PPP2CA: variants seen among roughly 807,000 people sequenced by gnomAD.
The protein encoded by PPP2CA is serine/threonine-protein phosphatase 2A catalytic subunit alpha isoform.
Under a neutral mutation model 38.8 loss-of-function variants are expected in PPP2CA, and 5 were observed. The ratio of observed to expected loss-of-function variants is 0.13; its 90% CI spans 0.07 to 0.27. PPP2CA has a LOEUF of 0.27. Among genes scored for constraint, PPP2CA ranks in the 10% least tolerant of loss-of-function variants. The pLI is 1.00. For missense variants in PPP2CA, 88 were observed against 389.7 expected (o/e 0.23, Z 6.52); for synonymous variants, 152 against 134.0 (o/e 1.13, Z -0.93).
intron 6 of PPP2CA, among the ~76,000 whole-genome samples, chr5:134,198,298 CAGG>C (rs1203453302): frequency 8.6e-5 from 13 of 151,844 alleles, no homozygotes; most frequent in Non-Finnish European, 1.2e-4. Context: ...GAGGCTGAGG[CAGG>C]AGAATGGTGT....
chr5:134,221,652 G>A (rs1762445477), intron 1 of PPP2CA, among the ~76,000 whole-genome samples: 1 of 152,090 alleles, frequency 6.6e-6, no homozygotes, highest in African/African-American at 2.4e-5. Context: ...ACATGAATAG[G>A]AAGCTTTCAA....
chr5:134,204,934 G>A (rs919533670), intron 2 of PPP2CA, among the ~76,000 whole-genome samples: 2 of 112,780 alleles, frequency 1.8e-5, no homozygotes, highest in African/African-American at 7.2e-5. Context: ...CTTCTTCCTC[G>A]ATATTTTTTT....
chr5:134,225,285 T>G (rs1762544560), intron 1 of PPP2CA, among the ~76,000 whole-genome samples: 1 of 151,876 alleles, frequency 6.6e-6, no homozygotes, highest in Non-Finnish European at 1.5e-5. Context: ...GACCTTTAGG[T>G]ATGTTCTGGG....
At chr5:134,206,645 T>C (rs1356994303) in intron 1 of PPP2CA, among the ~76,000 whole-genome samples, 3 of 152,174 alleles carry the variant, frequency 2.0e-5, no homozygotes, top group Non-Finnish European at 4.4e-5. Context: ...CACGCCACCA[T>C]GGCTGGCTAA....
chr5:134,201,268 AGC>A lies in PPP2CA; in HGVS notation c.487-196_487-195del, dbSNP rs528061066. ...GTCTCTACAAAAATTTTAAAAAATG[AGC>A]TGGGCACCCCCATCACTTGGCCCCT... On this transcript the variant is annotated intron_variant, in intron 3 of 6. Coordinates refer to ENST00000481195, the MANE Select transcript of PPP2CA (RefSeq NM_002715.4). Among the ~76,000 whole-genome samples the A allele has an allele frequency of 1.5e-3, 228 of 152,326 alleles. 2 individuals are homozygous for A. The highest frequency in any genetic ancestry group is 8.9e-3 in the South Asian group (43 of 4,826).
chr5:134,200,186 T>C, intron 5 of PPP2CA, 149 bp downstream of exon 5: 1 of 749,478 alleles, frequency 1.3e-6, no homozygotes, highest in Non-Finnish European at 2.0e-6. Flanking sequence ...GTAGTGTGCA[T>C]CTACTGAAAA....
At chr5:134,218,527 T>C (rs964797330) in intron 1 of PPP2CA, among the ~76,000 whole-genome samples, 4 of 152,334 alleles carry the variant, frequency 2.6e-5, no homozygotes, top group African/African-American at 9.6e-5. Flanking sequence ...TTTAATCTAC[T>C]ACACAACTGA....
At chr5:134,219,484 C>T (rs1003639457) in intron 1 of PPP2CA, among the ~76,000 whole-genome samples, 1 of 152,116 alleles carries the variant, frequency 6.6e-6, no homozygotes, top group African/African-American at 2.4e-5. Context: ...TTGCAACCTT[C>T]CAGCCTCAAC....
At chr5:134,221,278 AT>A (rs1219186699) in intron 1 of PPP2CA, among the ~76,000 whole-genome samples, 1 of 151,988 alleles carries the variant, frequency 6.6e-6, no homozygotes, top group Admixed American at 6.6e-5. Flanking sequence ...CGCCCGGCTA[AT>A]TTTTTGTATT....
intron 5 of PPP2CA, among the ~76,000 whole-genome samples, 160 bp downstream of exon 5, chr5:134,200,175 A>G (rs567135870): frequency 6.6e-6 from 1 of 152,380 alleles, no homozygotes; most frequent in African/African-American, 2.4e-5. Context: ...TTTTAATTCT[A>G]GTAGTGTGCA....
intron 2 of PPP2CA, among the ~76,000 whole-genome samples, chr5:134,202,715 C>T (rs1761994246): frequency 6.6e-6 from 1 of 152,170 alleles, no homozygotes; most frequent in Non-Finnish European, 1.5e-5. Context: ...TTTCTGTGGA[C>T]ATATGCTTTC....
At chr5:134,204,185 G>C (rs926224478) in intron 2 of PPP2CA, among the ~76,000 whole-genome samples, 1 of 152,160 alleles carries the variant, frequency 6.6e-6, no homozygotes, top group Non-Finnish European at 1.5e-5. Flanking sequence ...CTAATATTAG[G>C]AAAGTCTGTG....
At chr5:134,211,772 A>G (rs1762207550) in intron 1 of PPP2CA, among the ~76,000 whole-genome samples, 1 of 151,084 alleles carries the variant, frequency 6.6e-6, no homozygotes, top group Admixed American at 6.6e-5. Flanking sequence ...CACTGCGCCC[A>G]GTGGAAGACA....
chr5:134,206,221 G>A (rs1762079910), intron 1 of PPP2CA, 90 bp from the exon 2 acceptor site: 2 of 1,105,976 alleles, frequency 1.8e-6, no homozygotes, highest in African/African-American at 3.1e-5. Flanking sequence ...GTAGCTTAAG[G>A]GGCAGACTCA....
intron 1 of PPP2CA, among the ~76,000 whole-genome samples, chr5:134,211,379 A>G (rs1762199904): frequency 6.6e-6 from 1 of 152,210 alleles, no homozygotes; most frequent in Admixed American, 6.5e-5. Flanking sequence ...ATTCTTGAAT[A>G]CAGGCCATCA....
At position 134,205,443 on chromosome 5, in the gene PPP2CA, G is replaced by A. The variant is rs188369642; in HGVS notation, c.312+479C>T. 3.5e-3 allele frequency among the ~76,000 whole-genome samples: 530 copies of A among 149,712 alleles called. 2 individuals are homozygous for A. Among genetic ancestry groups the A allele is most frequent in the African/African-American group, 0.012 (504 of 40,576 alleles). Reference sequence around the variant, plus strand: ...GTTGTCCAGGCTGGCGTGTAGTGGCGCAATCTCAGCTCACTGCAACCTCCG... The same window carrying A: ...GTTGTCCAGGCTGGCGTGTAGTGGCACAATCTCAGCTCACTGCAACCTCCG... On this transcript the variant is annotated intron_variant, in intron 2 of 6. Transcript: ENST00000481195.
At chr5:134,216,161 T>C (rs1160336491) in intron 1 of PPP2CA, among the ~76,000 whole-genome samples, 2 of 152,168 alleles carry the variant, frequency 1.3e-5, no homozygotes, top group African/African-American at 4.8e-5. Context: ...AGTTCCAATA[T>C]TTGGGGTTAA....
At chr5:134,215,946 G>A (rs1762311225) in intron 1 of PPP2CA, among the ~76,000 whole-genome samples, 1 of 152,142 alleles carries the variant, frequency 6.6e-6, no homozygotes, top group African/African-American at 2.4e-5. Flanking sequence ...TCAACAGCAA[G>A]GCCAGCTGAG....
At chr5:134,200,207 A>T in intron 5 of PPP2CA, 128 bp downstream of exon 5, 1 of 1,049,896 alleles carries the variant, frequency 9.5e-7, no homozygotes. Flanking sequence ...GGCTCAGGCT[A>T]TAATGATAAA....
Sources: gnomAD v4.1 joint callset for allele counts (sites outside exome capture counted in the v4.1 genomes callset) on GRCh38, gnomAD v4.1.1 for gene constraint, MANE v1.5 for transcripts, NCBI Gene and HGNC (gene_info 2026-07-23, HGNC 2026-07-21) for gene names.